NCAM1: variants seen among roughly 807,000 people sequenced by gnomAD.
NCAM1 encodes neural cell adhesion molecule 1, also known as antigen recognized by monoclonal antibody 5.1H11.
NCAM1 carries 14 observed loss-of-function variants against 109.8 expected under a neutral mutation model. The ratio of observed to expected loss-of-function variants is 0.13; its 90% CI spans 0.08 to 0.20. The LOEUF (loss-of-function observed/expected upper bound fraction) is 0.20, where lower values mean the gene tolerates loss of function less well. Ranked by LOEUF, NCAM1 falls within the 10% of genes least tolerant of loss-of-function variation. The pLI is 1.00. For missense variants in NCAM1, 774 were observed against 1,109.9 expected (o/e 0.70, Z 4.30); for synonymous variants, 418 against 442.9 (o/e 0.94, Z 0.70).
intron 1 of NCAM1, among the ~76,000 whole-genome samples, chr11:113,115,384 A>G (rs781934377): frequency 6.6e-6 from 1 of 152,190 alleles, no homozygotes; most frequent in Admixed American, 6.5e-5. Flanking sequence ...CAGAGTTACT[A>G]ATGTGTGAGC....
At chr11:113,194,785 C>T (rs782503702) in intron 1 of NCAM1, among the ~76,000 whole-genome samples, 17 of 152,174 alleles carry the variant, frequency 1.1e-4, no homozygotes, top group African/African-American at 1.9e-4. Context: ...GGCTGCTTTA[C>T]GCCTCAGGGG....
chr11:112,976,805 T>A (rs1305262021), intron 1 of NCAM1, among the ~76,000 whole-genome samples: 7 of 151,952 alleles, frequency 4.6e-5, no homozygotes, highest in African/African-American at 1.4e-4. Flanking sequence ...GTCTTATCCA[T>A]ATCTAACATT....
chr11:113,210,324 C>T (rs560865146), intron 7 of NCAM1, among the ~76,000 whole-genome samples: 1 of 152,204 alleles, frequency 6.6e-6, no homozygotes, highest in African/African-American at 2.4e-5. Context: ...ATTATTATCC[C>T]CATTTTACAA....
At chr11:112,976,838 G>A (rs1171532937) in intron 1 of NCAM1, among the ~76,000 whole-genome samples, 2 of 151,962 alleles carry the variant, frequency 1.3e-5, no homozygotes, top group African/African-American at 4.8e-5. Context: ...TATATCTGTA[G>A]AAGTTGTTTT....
chr11:113,274,388 T>C lies in NCAM1; in HGVS notation c.2457-879T>C, dbSNP rs1455013523. On this transcript the variant is annotated intron_variant, in intron 19 of 19. Transcript: ENST00000316851. The surrounding 1 kb of genome is among the most constrained non-coding windows in gnomAD (Gnocchi z 4.1). ...TAACCTTTCAGGTTTGTAAGTGTCT[T>C]GCCAAAATTCAGTGGCACCAGCTGA... Among the ~76,000 whole-genome samples the C allele has an allele frequency of 2.0e-5, 3 of 152,238 alleles. No individual in the cohort carries two copies. Among genetic ancestry groups the C allele is most frequent in the Admixed American group, 2.0e-4 (3 of 15,284 alleles).
chr11:112,970,386 G>A (rs1193324046), intron 1 of NCAM1, among the ~76,000 whole-genome samples: 1 of 152,038 alleles, frequency 6.6e-6, no homozygotes, highest in African/African-American at 2.4e-5. Context: ...AAAATGAAGG[G>A]CTAACGAAGG....
At chr11:113,263,091 A>T in intron 17 of NCAM1, 1 of 1,361,860 alleles carries the variant, frequency 7.3e-7, no homozygotes, top group East Asian at 2.7e-5. Flanking sequence ...ACCTCCAGAC[A>T]TGTCACCACT....
chr11:113,241,335 T>C (rs1054039575), intron 14 of NCAM1, among the ~76,000 whole-genome samples: 3 of 152,250 alleles, frequency 2.0e-5, no homozygotes, highest in Non-Finnish European at 4.4e-5. Flanking sequence ...TTGTAAATAT[T>C]TGTGGGAAAA....
Position 112,962,292 on chromosome 11 carries a change from G to A in NCAM1, c.52+628G>A, listed in dbSNP as rs185909989. ...TTGCACCCCAGTCGACATGACGTTAGTTTTTCATTTGCCAAATTGCTGGTT... is the reference window on the plus strand; with the variant it reads ...TTGCACCCCAGTCGACATGACGTTAATTTTTCATTTGCCAAATTGCTGGTT... On this transcript the variant is annotated intron_variant, in intron 1 of 19. Transcript: ENST00000316851. This position sits in a 1 kb window ranked among gnomAD's most constrained non-coding sequence, Gnocchi z 5.6. 1.2e-3 allele frequency among the ~76,000 whole-genome samples: 176 copies of A among 152,340 alleles called. No homozygotes were observed. Among genetic ancestry groups the A allele is most frequent in the African/African-American group, 4.1e-3 (171 of 41,580 alleles).
At chr11:113,129,502 A>G (rs76331187) in intron 1 of NCAM1, among the ~76,000 whole-genome samples, 5,792 of 152,236 alleles carry the variant, frequency 0.038, 478 homozygotes, top group East Asian at 0.15. Context: ...ATGAGCATCC[A>G]TCATTTGCTC....
chr11:113,232,852 A>C (rs1381424118), intron 12 of NCAM1, 38 bp downstream of exon 12: 2 of 1,538,026 alleles, frequency 1.3e-6, no homozygotes, highest in Non-Finnish European at 1.8e-6. Flanking sequence ...AGCTGCCACA[A>C]CCCCCCACCT....
intron 9 of NCAM1, among the ~76,000 whole-genome samples, chr11:113,222,092 C>T (rs1408910743): frequency 3.3e-5 from 5 of 152,062 alleles, no homozygotes; most frequent in South Asian, 2.1e-4. Flanking sequence ...ATTTTTTACC[C>T]GATTTATATG....
Position 113,206,151 on chromosome 11 carries a change from A to G in NCAM1, c.599A>G (p.Asn200Ser). The G allele has an allele frequency of 6.2e-7, 1 of 1,613,466 alleles. No homozygotes were observed. ...AGAATCCTGGCACGGGGGGAGATCA[A>G]CTTCAAGGACATTCAGGTCATTGTG... ...EGRILARGEI[N>S]FKDIQVIVNV... Residue 200 changes from asparagine to serine, a missense_variant, in exon 5 of 20, where the codon AAC (asparagine) becomes AGC (serine). By Grantham distance (46) the Asn-to-Ser change is conservative. Coordinates refer to ENST00000316851, the MANE Select transcript of NCAM1 (RefSeq NM_181351.5).
At chr11:112,967,988 A>C (rs1255324377) in intron 1 of NCAM1, among the ~76,000 whole-genome samples, 2 of 152,222 alleles carry the variant, frequency 1.3e-5, no homozygotes, top group Non-Finnish European at 2.9e-5. Flanking sequence ...GCCAAGTCCC[A>C]GTCCCCCAGA....
intron 1 of NCAM1, among the ~76,000 whole-genome samples, chr11:113,005,512 G>C (rs1227299906): frequency 6.6e-6 from 1 of 152,160 alleles, no homozygotes; most frequent in African/African-American, 2.4e-5. Flanking sequence ...GATTAGTGGG[G>C]AGAGGTCTCA....
intron 1 of NCAM1, among the ~76,000 whole-genome samples, chr11:113,058,750 T>C (rs560813962): frequency 6.6e-6 from 1 of 152,304 alleles, no homozygotes; most frequent in South Asian, 2.1e-4. Flanking sequence ...CTCATAATGA[T>C]TCCACCAGCT....
In NCAM1 at chr11:113,034,923, C is replaced by A. The variant is rs544438429; in HGVS notation, c.52+73259C>A. Among the ~76,000 whole-genome samples the A allele has an allele frequency of 2.0e-5, 3 of 152,248 alleles. No homozygotes were observed. In the South Asian group the frequency reaches 6.2e-4, roughly 32 times the overall value. Reference sequence around the variant, plus strand: ...CACATGGGAAATATTCTGTTATTATCATAAAGTAGTCTGGAATCTACGTTA... The same window carrying A: ...CACATGGGAAATATTCTGTTATTATAATAAAGTAGTCTGGAATCTACGTTA... On this transcript the variant is annotated intron_variant, in intron 1 of 19. Coordinates refer to ENST00000316851, the MANE Select transcript of NCAM1 (RefSeq NM_181351.5).
intron 15 of NCAM1, among the ~76,000 whole-genome samples, chr11:113,249,595 C>A (rs1591458093): frequency 6.6e-6 from 1 of 152,168 alleles, no homozygotes; most frequent in African/African-American, 2.4e-5. Flanking sequence ...CCCCTTGTGG[C>A]CTTGGAGGCA....
intron 1 of NCAM1, among the ~76,000 whole-genome samples, chr11:113,093,584 C>T (rs145821670): frequency 1.3e-5 from 2 of 152,232 alleles, no homozygotes; most frequent in East Asian, 3.9e-4. Flanking sequence ...TATTCTTAAG[C>T]CTTTGGAAGG....
Sources: allele counts gnomAD v4.1 joint callset (sites outside exome capture counted in the v4.1 genomes callset), GRCh38; gene constraint gnomAD v4.1.1; non-coding constraint Gnocchi (gnomAD v3.1); transcripts MANE v1.5; gene names NCBI Gene and HGNC (gene_info 2026-07-23, HGNC 2026-07-21).